OTUD7A: variants seen among roughly 807,000 people sequenced by gnomAD.
OTUD7A encodes OTU deubiquitinase 7A.
OTUD7A carries 12 observed loss-of-function variants against 65.7 expected under a neutral mutation model. The observed-to-expected ratio is 0.18, with a 90% CI of 0.12 to 0.30. The LOEUF is 0.30. OTUD7A is among the 10% of genes least tolerant of loss of function. The pLI is 1.00. For synonymous variants in OTUD7A, 641 were observed against 586.3 expected, an observed-to-expected ratio of 1.09 and a Z score of -1.35; for missense variants, 1,148 against 1,304.8, an observed-to-expected ratio of 0.88 and a Z score of 1.85.
At chr15:31,613,931 G>GTA (rs750726197) in intron 3 of OTUD7A, among the ~76,000 whole-genome samples, 83 of 151,854 alleles carry the variant, frequency 5.5e-4, no homozygotes, top group Middle Eastern at 3.4e-3. Flanking sequence ...AAACTGTGGT[G>GTA]TATATATATA....
intron 5 of OTUD7A, among the ~76,000 whole-genome samples, chr15:31,549,769 C>CA (rs1888258697): frequency 4.6e-5 from 7 of 152,142 alleles, no homozygotes; most frequent in Admixed American, 4.6e-4. Flanking sequence ...AAACAGTAAA[C>CA]AACCCAAAGC....
chr15:31,647,131 C>T (rs986577120), intron 3 of OTUD7A, among the ~76,000 whole-genome samples: 3 of 152,204 alleles, frequency 2.0e-5, no homozygotes, highest in African/African-American at 7.2e-5. Flanking sequence ...GGGCAGCCAA[C>T]GGTTTCCTTT....
At chr15:31,731,200 G>A (rs1278405781) in intron 1 of OTUD7A, among the ~76,000 whole-genome samples, 1 of 152,130 alleles carries the variant, frequency 6.6e-6, no homozygotes, top group Non-Finnish European at 1.5e-5. Flanking sequence ...ACATCCCTAT[G>A]GAGTTTTCCA....
At chr15:31,577,074 T>C (rs535320114) in intron 3 of OTUD7A, among the ~76,000 whole-genome samples, 7 of 152,332 alleles carry the variant, frequency 4.6e-5, no homozygotes, top group Admixed American at 1.3e-4. Context: ...ACATGACAGA[T>C]AGCAGACTCT....
chr15:31,799,088 A>G (rs1219193348), intron 1 of OTUD7A, among the ~76,000 whole-genome samples: 1 of 152,192 alleles, frequency 6.6e-6, no homozygotes, highest in Non-Finnish European at 1.5e-5. Context: ...GCAAGTGTAC[A>G]TGTTCTAAGC....
At chr15:31,726,060 T>A (rs1893875444) in intron 1 of OTUD7A, among the ~76,000 whole-genome samples, 1 of 152,090 alleles carries the variant, frequency 6.6e-6, no homozygotes, top group Non-Finnish European at 1.5e-5. Context: ...CAGAGTTTTT[T>A]TTTTTTTTTG....
At chr15:31,659,845 C>G (rs1349435314) in intron 1 of OTUD7A, among the ~76,000 whole-genome samples, 6 of 152,226 alleles carry the variant, frequency 3.9e-5, no homozygotes, top group Non-Finnish European at 8.8e-5. Flanking sequence ...GATAAGGGAA[C>G]AGAGGGGTGG....
chr15:31,670,465 T>C (rs1297914139), intron 1 of OTUD7A, among the ~76,000 whole-genome samples: 2 of 152,170 alleles, frequency 1.3e-5, no homozygotes, highest in Middle Eastern at 3.4e-3. Context: ...TTTTTAATAA[T>C]TGTCATTCTG....
chr15:31,788,515 T>C (rs1895732616), intron 1 of OTUD7A, among the ~76,000 whole-genome samples: 1 of 152,224 alleles, frequency 6.6e-6, no homozygotes, highest in Non-Finnish European at 1.5e-5. Context: ...CAGGTTAACC[T>C]ACTCAAGGAT....
intron 1 of OTUD7A, among the ~76,000 whole-genome samples, chr15:31,806,205 G>C (rs1896265007): frequency 6.6e-6 from 1 of 152,158 alleles, no homozygotes; most frequent in South Asian, 2.1e-4. Flanking sequence ...TGCTTCAGTT[G>C]ATATCATTTT....
Position 31,508,841 on chromosome 15 carries a change from G to A in OTUD7A, c.894-5023C>T, listed in dbSNP as rs549726417. ...CCATTTCTGCTTAGCGTTGCCTAGG[G>A]GACATTGTGGCCCTGCCCCCTCTTA... On this transcript the variant is annotated intron_variant, in intron 8 of 12. Coordinates refer to ENST00000307050, the MANE Select transcript of OTUD7A (RefSeq NM_001382637.1). 2.6e-3 allele frequency among the ~76,000 whole-genome samples: 400 copies of A among 152,390 alleles called. 3 individuals carry two copies. The highest frequency in any genetic ancestry group is 9.0e-3 in the African/African-American group (375 of 41,596).
intron 1 of OTUD7A, among the ~76,000 whole-genome samples, chr15:31,811,192 T>C (rs1896404869): frequency 6.6e-6 from 1 of 151,920 alleles, no homozygotes; most frequent in African/African-American, 2.4e-5. Flanking sequence ...TACTTCTAGC[T>C]AGGGAGAGAC....
intron 1 of OTUD7A, among the ~76,000 whole-genome samples, chr15:31,780,210 T>C (rs1251615707): frequency 6.6e-6 from 1 of 152,192 alleles, no homozygotes; most frequent in African/African-American, 2.4e-5. Context: ...TCAAGAGATT[T>C]CCCACTGTTT....
chr15:31,517,805 G>T (rs564293804), intron 8 of OTUD7A, among the ~76,000 whole-genome samples: 1 of 152,290 alleles, frequency 6.6e-6, no homozygotes, highest in South Asian at 2.1e-4. Flanking sequence ...GGTCCAGATG[G>T]TATCTCAGGC....
intron 4 of OTUD7A, among the ~76,000 whole-genome samples, chr15:31,566,301 T>C (rs1049337579): frequency 2.0e-5 from 3 of 151,974 alleles, no homozygotes; most frequent in African/African-American, 7.3e-5. Flanking sequence ...ATGTAAACAT[T>C]GTGTATGGGA....
chr15:31,780,590 C>T (rs766424306), intron 1 of OTUD7A, among the ~76,000 whole-genome samples: 4 of 152,076 alleles, frequency 2.6e-5, no homozygotes, highest in African/African-American at 7.2e-5. Flanking sequence ...AAGACACTAA[C>T]GAGGGATTTC....
intron 3 of OTUD7A, among the ~76,000 whole-genome samples, chr15:31,641,210 C>T (rs573213448): frequency 1.3e-4 from 20 of 152,220 alleles, no homozygotes; most frequent in African/African-American, 4.8e-4. Context: ...CTCACTCCAT[C>T]CTGCTGCCCT....
chr15:31,827,016 A>C (rs920634505), intron 1 of OTUD7A, among the ~76,000 whole-genome samples: 2 of 152,210 alleles, frequency 1.3e-5, no homozygotes, highest in Non-Finnish European at 2.9e-5. Flanking sequence ...AAACTTCCCC[A>C]CATTTTCCTG....
intron 1 of OTUD7A, among the ~76,000 whole-genome samples, chr15:31,864,014 T>C (rs542117231): frequency 6.6e-5 from 10 of 152,304 alleles, no homozygotes; most frequent in South Asian, 2.1e-4. Context: ...TCCACAAATC[T>C]CTAGGGCAGA....
Sources: allele counts gnomAD v4.1 joint callset (sites outside exome capture counted in the v4.1 genomes callset), GRCh38; gene constraint gnomAD v4.1.1; transcripts MANE v1.5; gene names NCBI Gene and HGNC (gene_info 2026-07-23, HGNC 2026-07-21).